Variants in ADAMTSL1 observed in about 807,000 individuals in gnomAD.
ADAMTSL1 encodes ADAMTS-like protein 1.
Under a neutral mutation model 201.8 loss-of-function variants are expected in ADAMTSL1, and 126 were observed. The observed-to-expected ratio is 0.62, with a 90% CI of 0.54 to 0.72. ADAMTSL1 has a LOEUF of 0.72. ADAMTSL1 is among the 30% of genes least tolerant of loss of function. The probability of loss-of-function intolerance (pLI) is 0.00; values close to 1 mark genes in which losing one functional copy is unlikely to be tolerated. For synonymous variants in ADAMTSL1, 1,121 were observed against 903.4 expected (o/e 1.24, Z -4.32); for missense variants, 2,679 against 2,277.8 (o/e 1.18, Z -3.59).
At chr9:18,255,168 T>C (rs1831632221) in intron 2 of ADAMTSL1, among the ~76,000 whole-genome samples, 1 of 152,192 alleles carries the variant, frequency 6.6e-6, no homozygotes, top group African/African-American at 2.4e-5. Flanking sequence ...TTTTGGTGTT[T>C]TAGTGTCCTG....
chr9:18,903,985 G>T (rs953626306), intron 26 of ADAMTSL1, among the ~76,000 whole-genome samples: 8 of 151,236 alleles, frequency 5.3e-5, no homozygotes, highest in Non-Finnish European at 8.8e-5. Context: ...TAGAGATGGG[G>T]TCTCACTATG....
chr9:18,609,187 G>C (rs577909387), intron 4 of ADAMTSL1, among the ~76,000 whole-genome samples: 6 of 152,176 alleles, frequency 3.9e-5, no homozygotes, highest in Non-Finnish European at 7.3e-5. Context: ...ATATTTGAAA[G>C]TGGTTCCTGA....
intron 1 of ADAMTSL1, among the ~76,000 whole-genome samples, chr9:18,092,660 G>A: frequency 6.6e-6 from 1 of 152,084 alleles, no homozygotes; most frequent in East Asian, 1.9e-4. Context: ...TTTTTCATTT[G>A]CTCCAGAATT....
chr9:18,116,784 T>C (rs568674268), intron 1 of ADAMTSL1, among the ~76,000 whole-genome samples: 1 of 152,352 alleles, frequency 6.6e-6, no homozygotes, highest in African/African-American at 2.4e-5. Context: ...GTTACGTATG[T>C]ATACATGTGC....
At chr9:18,886,172 A>ATATG (rs1828857317) in intron 23 of ADAMTSL1, among the ~76,000 whole-genome samples, 2 of 67,084 alleles carry the variant, frequency 3.0e-5, no homozygotes, top group South Asian at 4.7e-4. Context: ...ATGTGTATAT[A>ATATG]TATATATATA....
intron 1 of ADAMTSL1, among the ~76,000 whole-genome samples, chr9:18,489,465 C>T (rs576576259): frequency 2.0e-5 from 3 of 152,240 alleles, no homozygotes; most frequent in African/African-American, 7.2e-5. Flanking sequence ...CTCCAGTTAC[C>T]AGGATGTCGC....
At chr9:18,251,683 G>T (rs925069227) in intron 2 of ADAMTSL1, among the ~76,000 whole-genome samples, 1 of 152,210 alleles carries the variant, frequency 6.6e-6, no homozygotes, top group African/African-American at 2.4e-5. Context: ...GAAAAGAGTT[G>T]TGTGTGAAGC....
Position 18,670,469 on chromosome 9 carries a change from A to C in ADAMTSL1, c.1086-5388A>C, listed in dbSNP as rs1236507354. On this transcript the variant is annotated intron_variant, in intron 9 of 28. Coordinates refer to ENST00000380548, the MANE Select transcript of ADAMTSL1 (RefSeq NM_001040272.6). Reference sequence around the variant, plus strand: ...CCCCGCTTGCCTGAACAGCCTTCCTAAACTGCCAGACCACTCTCCATATCA... The same window carrying C: ...CCCCGCTTGCCTGAACAGCCTTCCTCAACTGCCAGACCACTCTCCATATCA... 2.0e-5 allele frequency among the ~76,000 whole-genome samples: 3 copies of C among 152,170 alleles called. No homozygotes were observed. In the East Asian group the frequency reaches 5.8e-4, roughly 29 times the overall value.
At chr9:18,002,024 G>C (rs1045362614) in intron 1 of ADAMTSL1, among the ~76,000 whole-genome samples, 1 of 151,996 alleles carries the variant, frequency 6.6e-6, no homozygotes, top group Non-Finnish European at 1.5e-5. Flanking sequence ...GGAGAGGACT[G>C]TGGAGGGAGG....
upstream of ADAMTSL1, among the ~76,000 whole-genome samples, chr9:18,471,274 T>C (rs1370472037): frequency 1.3e-5 from 2 of 152,222 alleles, no homozygotes; most frequent in Non-Finnish European, 2.9e-5. Context: ...GTATACATCA[T>C]ATATAGATAT....
At chr9:18,341,294 A>G (rs1020059746) in intron 2 of ADAMTSL1, among the ~76,000 whole-genome samples, 3 of 152,054 alleles carry the variant, frequency 2.0e-5, no homozygotes, top group Admixed American at 6.6e-5. Context: ...TTCATCTCTG[A>G]AAGTTTCATG....
At chr9:17,974,979 A>G (rs924682311) in intron 1 of ADAMTSL1, among the ~76,000 whole-genome samples, 1 of 152,056 alleles carries the variant, frequency 6.6e-6, no homozygotes, top group Non-Finnish European at 1.5e-5. Context: ...TTACATTCCT[A>G]CAAACACTGC....
At chr9:17,938,965 T>A (rs188918126) in intron 1 of ADAMTSL1, among the ~76,000 whole-genome samples, 1 of 152,298 alleles carries the variant, frequency 6.6e-6, no homozygotes, top group Non-Finnish European at 1.5e-5. Flanking sequence ...AATGCCTCTG[T>A]GCCTGTTGGG....
intron 2 of ADAMTSL1, among the ~76,000 whole-genome samples, chr9:18,453,621 C>A (rs899070862): frequency 6.6e-6 from 1 of 152,118 alleles, no homozygotes; most frequent in Non-Finnish European, 1.5e-5. Context: ...ATTAGCCACA[C>A]AGCTCCCTCA....
intron 5 of ADAMTSL1, among the ~76,000 whole-genome samples, chr9:18,628,750 A>C (rs528142805): frequency 6.6e-6 from 1 of 152,236 alleles, no homozygotes; most frequent in East Asian, 1.9e-4. Context: ...GTCTTATTTT[A>C]TCTCTTTGAT....
chr9:18,169,691 A>C (rs532833926), intron 2 of ADAMTSL1, among the ~76,000 whole-genome samples: 2 of 152,138 alleles, frequency 1.3e-5, no homozygotes, highest in Admixed American at 6.6e-5. Context: ...TGGAGATGGC[A>C]TTGAATCTAT....
intron 1 of ADAMTSL1, among the ~76,000 whole-genome samples, chr9:17,917,919 C>T (rs1308345878): frequency 2.0e-5 from 3 of 151,922 alleles, no homozygotes; most frequent in Non-Finnish European, 4.4e-5. Context: ...ACAAGTTCGT[C>T]AGTTTCATCT....
intron 13 of ADAMTSL1, among the ~76,000 whole-genome samples, chr9:18,688,441 A>G (rs549777392): frequency 2.2e-4 from 33 of 150,840 alleles, no homozygotes; most frequent in African/African-American, 7.8e-4. Flanking sequence ...TATATTTTCT[A>G]GGTATGTACA....
At chr9:18,800,398 A>AGG (rs1822715766) in intron 20 of ADAMTSL1, among the ~76,000 whole-genome samples, 1 of 149,628 alleles carries the variant, frequency 6.7e-6, no homozygotes, top group Admixed American at 6.7e-5. Flanking sequence ...AAAAAAAAAA[A>AGG]AAAAAAGGAA....
Sources: allele counts gnomAD v4.1 joint callset (sites outside exome capture counted in the v4.1 genomes callset), GRCh38; gene constraint gnomAD v4.1.1; transcripts MANE v1.5; gene names NCBI Gene and HGNC (gene_info 2026-07-23, HGNC 2026-07-21).